Variants in DCLK1 observed in about 807,000 individuals in gnomAD.
The protein encoded by DCLK1 is doublecortin like kinase 1.
DCLK1 carries 16 observed loss-of-function variants against 86.2 expected under a neutral mutation model. That is an observed-to-expected ratio of 0.19 (90% CI 0.13 to 0.28). The LOEUF is 0.28. Ranked by LOEUF, DCLK1 falls within the 10% of genes least tolerant of loss-of-function variation. The pLI is 1.00. For synonymous variants in DCLK1, 369 were observed against 370.5 expected (o/e 1.00, Z 0.05); for missense variants, 590 against 940.2 (o/e 0.63, Z 4.87).
chr13:35,855,719 C>T, intron 5 of DCLK1: 1 of 1,380,856 alleles, frequency 7.2e-7, no homozygotes, highest in Non-Finnish European at 9.4e-7. Flanking sequence ...GTCTCCCAAG[C>T]AGCAGTGGGA....
chr13:35,961,277 A>G (rs1878444592), intron 3 of DCLK1, among the ~76,000 whole-genome samples: 1 of 152,230 alleles, frequency 6.6e-6, no homozygotes, highest in African/African-American at 2.4e-5. Flanking sequence ...AGAAAAGCAA[A>G]TAATAGCAGT....
At chr13:36,032,061 G>A (rs1882300711) in intron 3 of DCLK1, among the ~76,000 whole-genome samples, 1 of 152,172 alleles carries the variant, frequency 6.6e-6, no homozygotes, top group Non-Finnish European at 1.5e-5. Context: ...ACCCCACAGT[G>A]GGTTGTCAAC....
chr13:36,045,477 A>C (rs2153156175), intron 3 of DCLK1, among the ~76,000 whole-genome samples: 1 of 151,098 alleles, frequency 6.6e-6, no homozygotes, highest in Non-Finnish European at 1.5e-5. Flanking sequence ...AAAATCAAGC[A>C]AATTATTGAA....
intron 4 of DCLK1, among the ~76,000 whole-genome samples, chr13:35,901,454 C>A (rs904630136): frequency 8.1e-6 from 1 of 123,884 alleles, no homozygotes; most frequent in Non-Finnish European, 1.6e-5. Flanking sequence ...TGTGCCACTG[C>A]ACTCCAGCCT....
chr13:36,000,919 C>T (rs1433543062), intron 3 of DCLK1, among the ~76,000 whole-genome samples: 4 of 151,650 alleles, frequency 2.6e-5, no homozygotes, highest in African/African-American at 9.7e-5. Flanking sequence ...ATGTACTCTA[C>T]ACATTGCTAT....
chr13:35,801,729 T>C (rs1344284026), intron 15 of DCLK1, among the ~76,000 whole-genome samples: 1 of 152,168 alleles, frequency 6.6e-6, no homozygotes, highest in Non-Finnish European at 1.5e-5. Flanking sequence ...CACGTATATA[T>C]TGCCATAATG....
At chr13:35,985,656 G>A (rs940364417) in intron 3 of DCLK1, among the ~76,000 whole-genome samples, 4 of 152,170 alleles carry the variant, frequency 2.6e-5, no homozygotes, top group Non-Finnish European at 5.9e-5. Context: ...GAGGTCCTTG[G>A]CAGCCTTGGC....
At chr13:35,923,397 C>T (rs1424043368) in intron 4 of DCLK1, among the ~76,000 whole-genome samples, 1 of 151,754 alleles carries the variant, frequency 6.6e-6, no homozygotes, top group Non-Finnish European at 1.5e-5. Flanking sequence ...TACCACCTTT[C>T]CCCTGAGCTG....
intron 3 of DCLK1, among the ~76,000 whole-genome samples, chr13:36,056,618 T>TAAAAAAAAAAAA (rs71196600): frequency 9.1e-6 from 1 of 109,794 alleles, no homozygotes; most frequent in African/African-American, 3.6e-5. Context: ...AAGTATAATT[T>TAAAAAAAAAAAA]AAAAAAAAAA....
At chr13:35,857,436 A>C (rs1405044995) in intron 5 of DCLK1, among the ~76,000 whole-genome samples, 2 of 152,080 alleles carry the variant, frequency 1.3e-5, no homozygotes, top group African/African-American at 4.8e-5. Flanking sequence ...ATTATCATGT[A>C]AGACTCCCAC....
At chr13:35,957,857 AAAC>A (rs775975553) in intron 3 of DCLK1, among the ~76,000 whole-genome samples, 11 of 152,110 alleles carry the variant, frequency 7.2e-5, no homozygotes, top group Admixed American at 2.6e-4. Context: ...GATGTTTTTC[AAAC>A]AACAACAATC....
intron 3 of DCLK1, among the ~76,000 whole-genome samples, chr13:35,963,356 T>C (rs565889756): frequency 2.0e-5 from 3 of 152,270 alleles, no homozygotes; most frequent in South Asian, 2.1e-4. Flanking sequence ...ACAATGGAAA[T>C]ATTTTAATTC....
chr13:35,911,547 T>C (rs1875034071), intron 4 of DCLK1, among the ~76,000 whole-genome samples: 1 of 152,120 alleles, frequency 6.6e-6, no homozygotes, highest in South Asian at 2.1e-4. Flanking sequence ...GTCTAGACCC[T>C]AGGATGTCTC....
chr13:35,931,987 A>C (rs964400158), intron 4 of DCLK1, among the ~76,000 whole-genome samples: 4 of 152,146 alleles, frequency 2.6e-5, no homozygotes, highest in Non-Finnish European at 5.9e-5. Flanking sequence ...GTGATGGTTA[A>C]TTTTATGTGT....
At chr13:35,985,905 C>G (rs1381650814) in intron 3 of DCLK1, among the ~76,000 whole-genome samples, 1 of 152,144 alleles carries the variant, frequency 6.6e-6, no homozygotes, top group African/African-American at 2.4e-5. Flanking sequence ...ATCCTCAGCA[C>G]AGCAGTATTG....
chr13:36,115,156 A>G (rs751849562), intron 2 of DCLK1, among the ~76,000 whole-genome samples: 4 of 152,152 alleles, frequency 2.6e-5, no homozygotes, highest in Non-Finnish European at 4.4e-5. Context: ...ACAAAGCGAG[A>G]TCCCATCTCT....
chr13:35,861,777 A>T (rs993996089), intron 5 of DCLK1, among the ~76,000 whole-genome samples: 1 of 152,050 alleles, frequency 6.6e-6, no homozygotes, highest in African/African-American at 2.4e-5. Context: ...CTGAAATCCC[A>T]GCACTTTGGG....
chr13:35,827,727 T>G lies in DCLK1; in HGVS notation c.1315A>C (p.Ile439Leu). The change falls in exon 10 of 17, where the codon ATT becomes CTT. Residue 439 changes from isoleucine to leucine, a missense_variant. Physicochemically the swap from Ile to Leu is conservative, Grantham distance 5. Around this residue, in one of 6 missense-constraint regions of DCLK1, gnomAD observed 108 missense variants for 195.7 expected, o/e 0.55. Transcript: ENST00000360631. Reference sequence around the variant, plus strand: ...TTGGGATGCTTCACTCTTCTTAAAATAGACACTTCATTCTGGATCATGTGC... The same window carrying G: ...TTGGGATGCTTCACTCTTCTTAAAAGAGACACTTCATTCTGGATCATGTGC... ...KEHMIQNEVS[I>L]LRRVKHPNIV... is the part of the protein sequence containing the mutation. 1.2e-6 allele frequency: 2 copies of G among 1,613,936 alleles called. No homozygotes were observed. The highest frequency in any genetic ancestry group is 1.7e-6 in the Non-Finnish European group (2 of 1,179,984).
Position 36,112,151 on chromosome 13 carries a change from G to C in DCLK1, c.441C>G (p.Asn147Lys). 1 of 1,612,090 alleles carries C rather than the reference G, an allele frequency of 6.2e-7. No individual in the cohort carries two copies. The highest frequency in any genetic ancestry group is 8.5e-7 in the Non-Finnish European group (1 of 1,178,452). ...FKKLEYTKNV[N>K]PNWSVNVKTT... ...TCTTGACGTTCACCGACCAGTTGGG[G>C]TTCACATTCTTGGTGTACTCCAGTT... Residue 147 changes from asparagine (N) to lysine (K), a missense_variant, in exon 3 of 17, where the codon AAC becomes AAG. This residue lies in a region of DCLK1 where 195 missense variants were observed against 365.1 expected (regional missense o/e 0.53). Coordinates refer to ENST00000360631, the MANE Select transcript of DCLK1 (RefSeq NM_001330071.2).
Sources: gnomAD v4.1 joint callset for allele counts (sites outside exome capture counted in the v4.1 genomes callset) on GRCh38, gnomAD v4.1.1 for gene constraint, gnomAD v4.1.1 regional missense constraint, MANE v1.5 for transcripts, NCBI Gene and HGNC (gene_info 2026-07-23, HGNC 2026-07-21) for gene names.